The following UNC80 variants were observed in gnomAD, a reference collection of about 807,000 sequenced individuals.
UNC80 encodes protein unc-80 homolog.
In UNC80, 164 loss-of-function variants were observed where a neutral mutation model predicts 384.6. The observed-to-expected ratio is 0.43, with a 90% CI of 0.38 to 0.49. The LOEUF (loss-of-function observed/expected upper bound fraction) is 0.49. UNC80 is among the 20% of genes least tolerant of loss of function. The pLI is 0.00. For synonymous variants in UNC80, 1,486 were observed against 1,527.8 expected (o/e 0.97, Z 0.64); for missense variants, 3,330 against 4,143.0 (o/e 0.80, Z 5.39).
Position 209,786,143 on chromosome 2 carries a change from C to T in UNC80, c.678C>T (p.Val226=). 6.2e-7 allele frequency: 1 copy of T among 1,614,038 alleles called. No homozygotes were observed. The highest frequency in any genetic ancestry group is 1.3e-5 in the African/African-American group (1 of 75,040). ...TGTGGGAACACAGACAGCCCGGAGTCTCTGGCTTTACCGCACTGGTGAAGC... is the reference window on the plus strand; with the variant it reads ...TGTGGGAACACAGACAGCCCGGAGTTTCTGGCTTTACCGCACTGGTGAAGC... ...QPMWEHRQPG[V]SGFTALVKPI... is the part of the protein sequence containing the mutation. Residue 226 remains valine, a synonymous_variant, in exon 5 of 65, where the codon GTC becomes GTT. Transcript: ENST00000673920.
At chr2:209,884,206 A>G (rs2085565543) in intron 25 of UNC80, among the ~76,000 whole-genome samples, 1 of 152,230 alleles carries the variant, frequency 6.6e-6, no homozygotes, top group Non-Finnish European at 1.5e-5. Context: ...AATTTTGTTT[A>G]TAAAACTGCT....
intron 19 of UNC80, among the ~76,000 whole-genome samples, chr2:209,840,264 A>C (rs959984533): frequency 7.9e-5 from 12 of 152,300 alleles, no homozygotes; most frequent in Admixed American, 7.2e-4. Flanking sequence ...AGTATTTAAG[A>C]GGTAAAATTC....
At chr2:209,831,265 A>G (rs1171175791) in intron 15 of UNC80, among the ~76,000 whole-genome samples, 178 bp from the exon 16 acceptor site, 1 of 152,168 alleles carries the variant, frequency 6.6e-6, no homozygotes, top group Non-Finnish European at 1.5e-5. Context: ...GAAGGAGACT[A>G]TGACTCATTC....
In UNC80 at chr2:209,877,969, T is replaced by A. The variant is rs1440405669; in HGVS notation, c.3856T>A (p.Leu1286Met). Reference sequence around the variant, plus strand: ...CCCATTTTAGGCAATTGGCGTCCGATTGAATGAGCTGTGCCACGGGGAAAG... The same window carrying A: ...CCCATTTTAGGCAATTGGCGTCCGAATGAATGAGCTGTGCCACGGGGAAAG... ...YQWGDAIGVR[L>M]NELCHGESES... The change falls in exon 24 of 65, where the codon TTG (leucine) becomes ATG (methionine). Residue 1286 changes from leucine to methionine, a missense_variant. Physicochemically the swap from Leu to Met is conservative, Grantham distance 15. Coordinates refer to ENST00000673920, the MANE Select transcript of UNC80 (RefSeq NM_001371986.1). The A allele has an allele frequency of 2.0e-6, 3 of 1,531,382 alleles. No homozygotes were observed. The highest frequency in any genetic ancestry group is 2.6e-6 in the Non-Finnish European group (3 of 1,139,364). The allele number at this position is 1,531,382 out of a possible 1,614,324, so 94.9% of individuals were successfully genotyped here.
At chr2:209,983,934 C>T (rs6435549) in intron 60 of UNC80, among the ~76,000 whole-genome samples, 71,782 of 151,942 alleles carry the variant, frequency 0.47, 17,132 homozygotes, top group Non-Finnish European at 0.51. Flanking sequence ...AAGTGAGTCT[C>T]TTCCTAGGGA....
In UNC80 at chr2:209,777,648, G is replaced by A. The variant is rs2153824687; in HGVS notation, c.600+89G>A. 4 of 1,382,280 alleles carry A rather than the reference G, an allele frequency of 2.9e-6. No homozygotes were observed. In the South Asian group the frequency reaches 5.6e-5, roughly 19 times the overall value. 85.6% of individuals were successfully genotyped at this position (1,382,280 alleles called of 1,614,324 possible). On this transcript the variant is annotated intron_variant, in intron 4 of 64. Transcript: ENST00000673920. The stretch of plus-strand genomic sequence containing the variant: ...GATATTTCCATATTTGGTTGGGCAT[G>A]TCTTTGTATGACCTTACAGCAAGTC...
Position 209,799,096 on chromosome 2 carries a change from T to A in UNC80, c.938+5237T>A, listed in dbSNP as rs1026485386. 6.8e-4 allele frequency among the ~76,000 whole-genome samples: 103 copies of A among 151,526 alleles called. No homozygotes were observed. In the South Asian group the frequency reaches 9.8e-3, roughly 14 times the overall value. ...AAAATAAAATAAGTGTTTTTTTTTT[T>A]TCTAATTCTGTGAAGAATGTCAATG... On this transcript the variant is annotated intron_variant, in intron 7 of 64. Coordinates refer to ENST00000673920, the MANE Select transcript of UNC80 (RefSeq NM_001371986.1).
intron 45 of UNC80, among the ~76,000 whole-genome samples, chr2:209,943,741 T>C (rs2091771699): frequency 6.6e-6 from 1 of 152,158 alleles, no homozygotes. Flanking sequence ...GTGAACTAAC[T>C]AGTAGTTGGG....
rs572687904 is a variant in UNC80, at chr2:209,918,805, T to C, written c.5343+142T>C. ...CAAAAGATCTTTGTCCTTGTGAATA[T>C]AATAGAGAGAATAATATCGAGTAGT... On this transcript the variant is annotated intron_variant, in intron 33 of 64. Transcript: ENST00000673920. The C allele has an allele frequency of 1.9e-5, 19 of 1,024,322 alleles. No individual in the cohort carries two copies. The East Asian group carries it at 5.1e-4, about 28-fold the overall frequency. 63.5% of individuals were successfully genotyped at this position (1,024,322 alleles called of 1,614,324 possible).
chr2:209,898,058 C>A (rs1315151145), intron 28 of UNC80, among the ~76,000 whole-genome samples: 1 of 151,992 alleles, frequency 6.6e-6, no homozygotes, highest in Non-Finnish European at 1.5e-5. Flanking sequence ...TCTGTAGGAT[C>A]TACAGTGATT....
At chr2:209,831,645 A>C (rs1316742805) in intron 16 of UNC80, 54 bp downstream of exon 16, 1 of 1,439,536 alleles carries the variant, frequency 6.9e-7, no homozygotes, top group Non-Finnish European at 9.1e-7. Context: ...CCCTGAGAAA[A>C]GTACTCATTG....
intron 31 of UNC80, among the ~76,000 whole-genome samples, chr2:209,915,371 C>T (rs2089415310): frequency 6.9e-6 from 1 of 145,176 alleles, no homozygotes; most frequent in Non-Finnish European, 1.5e-5. Flanking sequence ...TGCCACTGCA[C>T]TCCAGCCTGG....
At chr2:209,803,214 T>C (rs1022295751) in intron 7 of UNC80, among the ~76,000 whole-genome samples, 1 of 152,178 alleles carries the variant, frequency 6.6e-6, no homozygotes, top group Non-Finnish European at 1.5e-5. Flanking sequence ...CAAGAGAAGA[T>C]GATAAAGGGT....
chr2:209,879,868 GAA>G (rs67843463), intron 24 of UNC80, among the ~76,000 whole-genome samples: 1 of 151,832 alleles, frequency 6.6e-6, no homozygotes, highest in Non-Finnish European at 1.5e-5. Flanking sequence ...TGGTTTTCCT[GAA>G]AAAAACGATA....
At chr2:209,968,942 C>A (rs183553532) in intron 52 of UNC80, 3 of 152,158 alleles carry the variant, frequency 2.0e-5, no homozygotes, top group African/African-American at 7.2e-5. Flanking sequence ...GTTGACTGAA[C>A]CTGACCTGCA....
intron 4 of UNC80, among the ~76,000 whole-genome samples, chr2:209,785,514 T>C (rs568026550): frequency 6.6e-6 from 1 of 152,292 alleles, no homozygotes; most frequent in South Asian, 2.1e-4. Flanking sequence ...GCTTGATTTA[T>C]CCTTGCCCTC....
chr2:209,784,101 A>G (rs1002514491), intron 4 of UNC80, among the ~76,000 whole-genome samples: 1 of 152,104 alleles, frequency 6.6e-6, no homozygotes, highest in Admixed American at 6.6e-5. Context: ...ATCCTTGACA[A>G]CTTTTTCTCT....
In UNC80 at chr2:209,813,657, T is replaced by G; in HGVS notation, c.1016T>G (p.Leu339Arg). ...GACGTTGCTGTTCTGCGCTGCCTAC[T>G]TCAGCCCCATTGGTCTGAGGAAGGC... ...YFDVAVLRCL[L>R]QPHWSEEGTQ... The change falls in exon 8 of 65, where the codon CTT becomes CGT. Residue 339 changes from leucine to arginine, a missense_variant. Leu to Arg is a moderately radical substitution (Grantham distance 102, BLOSUM62 -2). Coordinates refer to ENST00000673920, the MANE Select transcript of UNC80 (RefSeq NM_001371986.1). 6.4e-7 allele frequency: 1 copy of G among 1,551,778 alleles called. No individual in the cohort carries two copies. The highest frequency in any genetic ancestry group is 1.4e-5 in the African/African-American group (1 of 73,142).
intron 29 of UNC80, among the ~76,000 whole-genome samples, chr2:209,912,099 G>T (rs1454182781): frequency 6.6e-6 from 1 of 152,086 alleles, no homozygotes; most frequent in African/African-American, 2.4e-5. Context: ...TCTCCTTTAT[G>T]ACCAAGTCAT....
Sources: allele counts gnomAD v4.1 joint callset (sites outside exome capture counted in the v4.1 genomes callset), GRCh38; gene constraint gnomAD v4.1.1; transcripts MANE v1.5; gene names NCBI Gene and HGNC (gene_info 2026-07-23, HGNC 2026-07-21).